WNK1: variants seen among roughly 807,000 people sequenced by gnomAD.
The protein encoded by WNK1 is WNK lysine deficient protein kinase 1.
In WNK1, 38 loss-of-function variants were observed where a neutral mutation model predicts 222.8. The ratio of observed to expected loss-of-function variants is 0.17; its 90% CI spans 0.13 to 0.22. The LOEUF is 0.22. WNK1 is among the 10% of genes least tolerant of loss of function. The pLI, the probability that WNK1 is intolerant of heterozygous loss-of-function variation, is 1.00. For synonymous variants in WNK1, 1,090 were observed against 1,092.9 expected, an observed-to-expected ratio of 1.00 and a Z score of 0.05; for missense variants, 2,348 against 2,918.4, an observed-to-expected ratio of 0.80 and a Z score of 4.50.
rs2269937 is a variant in WNK1 at position 895,929 on chromosome 12, A to T, written c.5584-142A>T. ...TATTCAATTTTTCTTCCTAGTCAAA[A>T]GTGGAGGCGCTATGTAAAGAGACAA... On this transcript the variant is annotated intron_variant, in intron 23 of 27. Transcript: ENST00000315939. The T allele has an allele frequency of 4.8e-5, 51 of 1,073,000 alleles. No homozygotes were observed. The African/African-American group carries it at 6.8e-4, about 14-fold the overall frequency. The allele number at this position is 1,073,000 out of a possible 1,614,324, so 66.5% of individuals were successfully genotyped here. A position where few individuals can be genotyped will look rare whatever the true frequency, so the allele number is the denominator to read the frequency against.
chr12:764,868 C>A (rs955870573), intron 1 of WNK1, among the ~76,000 whole-genome samples: 1 of 147,602 alleles, frequency 6.8e-6, no homozygotes, highest in East Asian at 2.0e-4. Context: ...GTGGCTATTT[C>A]GCTCTTGCCA....
intron 8 of WNK1, among the ~76,000 whole-genome samples, chr12:866,618 C>T (rs1951690573): frequency 6.6e-6 from 1 of 152,098 alleles, no homozygotes; most frequent in Non-Finnish European, 1.5e-5. Context: ...CTTCAGCCTC[C>T]CACAGTGCTG....
chr12:889,050 C>A, intron 20 of WNK1, 90 bp from the exon 21 acceptor site: 1 of 962,100 alleles, frequency 1.0e-6, no homozygotes, highest in Non-Finnish European at 1.7e-6. Context: ...CAATATAAAG[C>A]ATAAAACAGT....
intron 1 of WNK1, among the ~76,000 whole-genome samples, chr12:798,780 G>A (rs1305129229): frequency 2.0e-5 from 3 of 151,948 alleles, no homozygotes; most frequent in African/African-American, 7.3e-5. Flanking sequence ...ATCTGGTTTT[G>A]TTTAGGATTC....
At chr12:760,394 A>G (rs191505785) in intron 1 of WNK1, among the ~76,000 whole-genome samples, 2 of 147,724 alleles carry the variant, frequency 1.4e-5, no homozygotes, top group African/African-American at 4.9e-5. Flanking sequence ...AGATTACCCA[A>G]TTTTCTGAGC....
At position 868,872 on chromosome 12, in the gene WNK1, A is replaced by G. The variant is rs1267584265; in HGVS notation, c.2140-2393A>G. 1.1e-5 allele frequency: 17 copies of G among 1,610,164 alleles called. No homozygotes were observed. Among genetic ancestry groups the G allele is most frequent in the Non-Finnish European group, 9.3e-6 (11 of 1,177,256 alleles). On this transcript the variant is annotated intron_variant, in intron 8 of 27. Transcript: ENST00000315939. ...AACTGGCCAATAGGAAGCCCAGAAT[A>G]TTCCAGTGATTCCTCACAAATCACT...
rs563906079 is a variant in WNK1, at chr12:893,193, A to G, written c.5510-1369A>G. ...GATCACCTGAGCCTGGGAGGTTGAG[A>G]TTGTGGTGAGCTGTGATGGCATCAC... On this transcript the variant is annotated intron_variant, in intron 22 of 27. Transcript: ENST00000315939. 6.5e-4 allele frequency among the ~76,000 whole-genome samples: 99 copies of G among 152,140 alleles called. 1 individual carries two copies. The highest frequency in any genetic ancestry group is 2.3e-3 in the African/African-American group (95 of 41,512).
chr12:821,159 A>T (rs1947849002), intron 2 of WNK1, among the ~76,000 whole-genome samples: 8 of 148,090 alleles, frequency 5.4e-5, no homozygotes, highest in Admixed American at 3.5e-4. Flanking sequence ...TATTATACTG[A>T]TTAATTTTCT....
chr12:876,474 A>G (rs1198682087), intron 9 of WNK1, among the ~76,000 whole-genome samples: 6 of 152,220 alleles, frequency 3.9e-5, no homozygotes, highest in Non-Finnish European at 8.8e-5. Flanking sequence ...TGCTGTTGCC[A>G]TTATATTTTA....
intron 1 of WNK1, among the ~76,000 whole-genome samples, chr12:767,234 G>GTT (rs71051382): frequency 0.014 from 1,002 of 70,874 alleles, 64 homozygotes; most frequent in Non-Finnish European, 0.016. Context: ...GGGTTGATAG[G>GTT]TTTTTTTTTT....
chr12:797,097 C>T (rs1945384629), intron 1 of WNK1, among the ~76,000 whole-genome samples: 1 of 152,288 alleles, frequency 6.6e-6, no homozygotes, highest in East Asian at 1.9e-4. Flanking sequence ...TCCACACCCA[C>T]GTTCTTCTTT....
At chr12:844,983 C>T (rs1949920844) in intron 4 of WNK1, among the ~76,000 whole-genome samples, 2 of 147,886 alleles carry the variant, frequency 1.4e-5, no homozygotes, top group South Asian at 4.3e-4. Context: ...GCAAGCTCCG[C>T]CTCCCGGGTT....
At chr12:773,009 A>T (rs1043802880) in intron 1 of WNK1, among the ~76,000 whole-genome samples, 2 of 152,224 alleles carry the variant, frequency 1.3e-5, no homozygotes, top group African/African-American at 2.4e-5. Context: ...CCTGTAATCC[A>T]GCACTTTGGG....
chr12:849,353 C>T (rs1274295662), intron 4 of WNK1, among the ~76,000 whole-genome samples: 1 of 152,176 alleles, frequency 6.6e-6, no homozygotes, highest in Non-Finnish European at 1.5e-5. Context: ...GGACTTTAAT[C>T]TGTTACCCAT....
chr12:813,704 T>C lies in WNK1; in HGVS notation c.822T>C (p.Gly274=). The stretch of plus-strand genomic sequence containing the variant: ...AAGAAGAAGCTGAAATGTTAAAAGG[T>C]CTTCAGCATCCCAATATTGTTAGAT... The part of the protein sequence containing the change: ...RFKEEAEMLK[G]LQHPNIVRFY... The change falls in exon 2 of 28, where the codon GGT becomes GGC. Residue 274 remains glycine (G), a synonymous_variant. Coordinates refer to ENST00000315939, the MANE Select transcript of WNK1 (RefSeq NM_018979.4). The C allele has an allele frequency of 6.2e-7, 1 of 1,613,948 alleles. No homozygotes were observed. Among genetic ancestry groups the C allele is most frequent in the Non-Finnish European group, 8.5e-7 (1 of 1,179,934 alleles).
chr12:835,740 G>A (rs1949129773), intron 4 of WNK1, among the ~76,000 whole-genome samples: 1 of 152,166 alleles, frequency 6.6e-6, no homozygotes, highest in Non-Finnish European at 1.5e-5. Flanking sequence ...ATCACTTGAG[G>A]TCAGGAGTTT....
At chr12:851,762 CA>C in intron 4 of WNK1, 1 of 1,346,468 alleles carries the variant, frequency 7.4e-7, no homozygotes, top group Non-Finnish European at 9.8e-7. Flanking sequence ...CTGCTGCCCT[CA>C]AAAGGATTGT....
At chr12:779,992 A>G (rs1391016655) in intron 1 of WNK1, among the ~76,000 whole-genome samples, 1 of 152,228 alleles carries the variant, frequency 6.6e-6, no homozygotes, top group Non-Finnish European at 1.5e-5. Flanking sequence ...GTGGATAATC[A>G]TTAACAGAGT....
In WNK1 at chr12:801,543, G is replaced by A. The variant is rs528698810; in HGVS notation, c.760-12099G>A. ...CCCACCTCAGCCTACCCAGTAGCTGGGACTACAGCCATGTGCCACCATGCC... is the reference window on the plus strand; with the variant it reads ...CCCACCTCAGCCTACCCAGTAGCTGAGACTACAGCCATGTGCCACCATGCC... On this transcript the variant is annotated intron_variant, in intron 1 of 27. Coordinates refer to ENST00000315939, the MANE Select transcript of WNK1 (RefSeq NM_018979.4). 7.3e-5 allele frequency among the ~76,000 whole-genome samples: 11 copies of A among 150,816 alleles called. No individual in the cohort carries two copies. The South Asian group carries it at 1.1e-3, about 14-fold the overall frequency.
Sources: gnomAD v4.1 joint callset for allele counts (sites outside exome capture counted in the v4.1 genomes callset) on GRCh38, gnomAD v4.1.1 for gene constraint, MANE v1.5 for transcripts, NCBI Gene and HGNC (gene_info 2026-07-23, HGNC 2026-07-21) for gene names.